The following FHIT variants were observed in gnomAD, a reference collection of about 807,000 sequenced individuals.
FHIT encodes fragile histidine triad diadenosine triphosphatase.
FHIT carries 19 observed loss-of-function variants against 17.9 expected under a neutral mutation model. The ratio of observed to expected loss-of-function variants is 1.06; its 90% CI spans 0.74 to 1.56. FHIT has a LOEUF of 1.56. Among genes scored for constraint, FHIT ranks in the 40% most tolerant of loss-of-function variants. The pLI, the probability that FHIT is intolerant of heterozygous loss-of-function variation, is 0.00. For missense variants in FHIT, 248 were observed against 189.2 expected (o/e 1.31, Z -1.82); for synonymous variants, 81 against 69.7 (o/e 1.16, Z -0.81).
intron 2 of FHIT, among the ~76,000 whole-genome samples, chr3:61,129,794 C>T (rs898790576): frequency 6.6e-6 from 1 of 152,092 alleles, no homozygotes; most frequent in African/African-American, 2.4e-5. Context: ...CTTGGAAAAC[C>T]AGTGCTTAAA....
intron 3 of FHIT, among the ~76,000 whole-genome samples, chr3:61,006,840 T>G (rs1326923509): frequency 6.6e-6 from 1 of 152,098 alleles, no homozygotes; most frequent in Non-Finnish European, 1.5e-5. Flanking sequence ...GTTCAAAAAC[T>G]TACATAGTAG....
chr3:59,839,778 C>A (rs890756467), intron 8 of FHIT, among the ~76,000 whole-genome samples: 2 of 152,098 alleles, frequency 1.3e-5, no homozygotes, highest in African/African-American at 4.8e-5. Flanking sequence ...ATCACAGATA[C>A]TAGAGATGAA....
intron 5 of FHIT, among the ~76,000 whole-genome samples, chr3:60,144,582 A>AT (rs569336967): frequency 6.6e-6 from 1 of 151,982 alleles, no homozygotes; most frequent in Non-Finnish European, 1.5e-5. Context: ...TTAACTGAAG[A>AT]TTTTTTTTAA....
chr3:60,531,746 C>A (rs958076058), intron 5 of FHIT, among the ~76,000 whole-genome samples: 1 of 152,196 alleles, frequency 6.6e-6, no homozygotes, highest in African/African-American at 2.4e-5. Flanking sequence ...GTAAGAATCA[C>A]TGTTAAGTAA....
intron 5 of FHIT, among the ~76,000 whole-genome samples, chr3:60,194,093 A>G (rs549756796): frequency 3.9e-5 from 6 of 152,194 alleles, no homozygotes; most frequent in Non-Finnish European, 7.3e-5. Context: ...ACTCAATCCT[A>G]AAGTTCGCAT....
intron 3 of FHIT, chr3:60,856,623 G>A (rs1703397928): frequency 6.6e-6 from 1 of 152,060 alleles, no homozygotes; most frequent in East Asian, 1.9e-4. Context: ...ATCTTTTAAA[G>A]ATCCAAATAT....
chr3:60,467,008 T>G (rs1488738658), intron 5 of FHIT, among the ~76,000 whole-genome samples: 1 of 151,954 alleles, frequency 6.6e-6, no homozygotes, highest in Non-Finnish European at 1.5e-5. Flanking sequence ...AATCTAGCGC[T>G]TTTCTTTGCT....
intron 7 of FHIT, among the ~76,000 whole-genome samples, chr3:59,987,710 T>G (rs1001085102): frequency 6.6e-6 from 1 of 152,002 alleles, no homozygotes; most frequent in African/African-American, 2.4e-5. Flanking sequence ...AAATCCTGAA[T>G]TCCTTTTGTA....
chr3:60,513,318 T>C (rs1045062627), intron 5 of FHIT, among the ~76,000 whole-genome samples: 1 of 152,330 alleles, frequency 6.6e-6, no homozygotes, highest in Non-Finnish European at 1.5e-5. Context: ...CTGAATCTTA[T>C]ATACACAGAC....
chr3:59,815,500 A>C (rs879528943), intron 8 of FHIT, among the ~76,000 whole-genome samples: 1 of 151,928 alleles, frequency 6.6e-6, no homozygotes, highest in Admixed American at 6.5e-5. Flanking sequence ...TCAGTCAATA[A>C]GTGGATAAAG....
intron 5 of FHIT, among the ~76,000 whole-genome samples, chr3:60,250,683 ATCT>A (rs1705660500): frequency 6.6e-6 from 1 of 152,114 alleles, no homozygotes; most frequent in South Asian, 2.1e-4. Context: ...TAATTAAGTA[ATCT>A]TCTTCTTTTC....
At chr3:59,857,940 T>A (rs572679828) in intron 8 of FHIT, among the ~76,000 whole-genome samples, 66 of 152,162 alleles carry the variant, frequency 4.3e-4, no homozygotes, top group Non-Finnish European at 7.3e-4. Context: ...GGGCGCCACC[T>A]GCTGGTCCCC....
chr3:60,617,112 G>A (rs1359242985), intron 4 of FHIT: 3 of 219,342 alleles, frequency 1.4e-5, no homozygotes, highest in African/African-American at 6.9e-5. Context: ...AGGACCTGAA[G>A]ATGTTTCTTC....
At chr3:60,063,975 T>C (rs922343006) in intron 5 of FHIT, among the ~76,000 whole-genome samples, 5 of 152,246 alleles carry the variant, frequency 3.3e-5, no homozygotes, top group African/African-American at 1.2e-4. Flanking sequence ...ATGTATATAA[T>C]ATGCCATTTA....
At chr3:60,213,135 C>A (rs760676986) in intron 5 of FHIT, among the ~76,000 whole-genome samples, 5 of 152,130 alleles carry the variant, frequency 3.3e-5, no homozygotes, top group Admixed American at 6.5e-5. Flanking sequence ...CTAGCCTCAA[C>A]TAGAAAGAGA....
At chr3:59,809,274 C>T (rs917460558) in intron 8 of FHIT, among the ~76,000 whole-genome samples, 4 of 152,122 alleles carry the variant, frequency 2.6e-5, no homozygotes, top group African/African-American at 4.8e-5. Context: ...CTTATAAGGA[C>T]ATCAACGGAG....
chr3:60,634,314 C>T (rs2039524051), intron 4 of FHIT, among the ~76,000 whole-genome samples: 1 of 152,100 alleles, frequency 6.6e-6, no homozygotes, highest in African/African-American at 2.4e-5. Context: ...TTTTCAAAAG[C>T]TAACAAACTG....
chr3:60,392,832 C>T (rs1701285029), intron 5 of FHIT, among the ~76,000 whole-genome samples: 1 of 152,102 alleles, frequency 6.6e-6, no homozygotes, highest in African/African-American at 2.4e-5. Context: ...AAGTAAAAGT[C>T]ATGGAAACAG....
intron 8 of FHIT, among the ~76,000 whole-genome samples, chr3:59,761,478 T>C (rs1701509021): frequency 1.3e-5 from 2 of 152,156 alleles, no homozygotes; most frequent in Non-Finnish European, 2.9e-5. Flanking sequence ...TAAAGTTGAA[T>C]GTATAAATCA....
Sources: gnomAD v4.1 joint callset for allele counts (sites outside exome capture counted in the v4.1 genomes callset) on GRCh38, gnomAD v4.1.1 for gene constraint, MANE v1.5 for transcripts, NCBI Gene and HGNC (gene_info 2026-07-23, HGNC 2026-07-21) for gene names.